Variants in MACROD2 observed in about 807,000 individuals in gnomAD.
The protein encoded by MACROD2 is mono-ADP ribosylhydrolase 2, also known as ADP-ribose glycohydrolase MACROD2.
MACROD2 carries 36 observed loss-of-function variants against 70.4 expected under a neutral mutation model. That is an observed-to-expected ratio of 0.51 (90% CI 0.39 to 0.68). The LOEUF (loss-of-function observed/expected upper bound fraction) is 0.68. MACROD2 is among the 30% of genes least tolerant of loss of function. The pLI is 0.00. For synonymous variants in MACROD2, 172 were observed against 178.8 expected, an observed-to-expected ratio of 0.96 and a Z score of 0.30; for missense variants, 496 against 538.4, an observed-to-expected ratio of 0.92 and a Z score of 0.78.
At position 16,041,260 on chromosome 20, in the gene MACROD2, A is replaced by G; in HGVS notation, c.1213A>G (p.Asn405Asp). Residue 405 changes from asparagine (N) to aspartate (D), a missense_variant, in exon 16 of 18, where the codon AAT (asparagine) becomes GAT (aspartate). Asn to Asp is a conservative substitution (Grantham distance 23). Coordinates refer to ENST00000684519, the MANE Select transcript of MACROD2 (RefSeq NM_001351661.2). Reference sequence around the variant, plus strand: ...AAGTGAAGGCTCCAGTGACCTAGAAAATACTCCAGGTCCTGATGGTAAGGT... The same window carrying G: ...AAGTGAAGGCTCCAGTGACCTAGAAGATACTCCAGGTCCTGATGGTAAGGT... Reference protein sequence around the residue: ...GKSEGSSDLENTPGPDVEMNS... With the variant: ...GKSEGSSDLEDTPGPDVEMNS... The G allele has an allele frequency of 6.2e-7, 1 of 1,612,072 alleles. No individual in the cohort carries two copies. Among genetic ancestry groups the G allele is most frequent in the Admixed American group, 1.7e-5 (1 of 59,788 alleles).
intron 3 of MACROD2, among the ~76,000 whole-genome samples, chr20:14,305,449 A>C (rs1045480058): frequency 2.0e-5 from 3 of 152,118 alleles, no homozygotes; most frequent in Non-Finnish European, 4.4e-5. Context: ...AGTGGAAGAG[A>C]CTGACTTGGA....
intron 4 of MACROD2, among the ~76,000 whole-genome samples, chr20:14,603,407 C>T (rs961176273): frequency 6.6e-6 from 1 of 152,092 alleles, no homozygotes; most frequent in African/African-American, 2.4e-5. Flanking sequence ...ATTTTTCATT[C>T]TTAATATCTC....
chr20:15,617,409 A>G (rs1367763352), intron 8 of MACROD2, among the ~76,000 whole-genome samples: 1 of 152,208 alleles, frequency 6.6e-6, no homozygotes, highest in Non-Finnish European at 1.5e-5. Context: ...AGGCCAATAA[A>G]GTTTATGAAC....
intron 5 of MACROD2, among the ~76,000 whole-genome samples, chr20:14,874,769 A>G (rs958438080): frequency 2.6e-5 from 4 of 151,524 alleles, no homozygotes; most frequent in African/African-American, 9.7e-5. Context: ...CAGTGGTGCA[A>G]TCTTGGCTCA....
chr20:14,237,432 C>A (rs1266663989), intron 3 of MACROD2, among the ~76,000 whole-genome samples: 1 of 151,792 alleles, frequency 6.6e-6, no homozygotes, highest in African/African-American at 2.4e-5. Context: ...TACCTCAAAT[C>A]AATTTCTCTT....
Position 15,968,028 on chromosome 20 carries a change from A to G in MACROD2, c.985+398A>G, listed in dbSNP as rs79898313. 2.2e-4 allele frequency among the ~76,000 whole-genome samples: 34 copies of G among 152,354 alleles called. No individual in the cohort carries two copies. The East Asian group carries it at 4.8e-3, about 22-fold the overall frequency. On this transcript the variant is annotated intron_variant, in intron 13 of 17. Transcript: ENST00000684519. The stretch of plus-strand genomic sequence containing the variant: ...ATCAAGAAGGGAGTACATAACAAAC[A>G]GAAATGAAACAATCTTTAGAAAAAT...
intron 3 of MACROD2, among the ~76,000 whole-genome samples, chr20:14,368,553 C>A (rs204642): frequency 0.66 from 99,616 of 150,714 alleles, 33,617 homozygotes; most frequent in Non-Finnish European, 0.73. Context: ...AAAAAAAAAA[C>A]ACACACACAC....
chr20:14,956,034 T>C (rs1417704597), intron 5 of MACROD2, among the ~76,000 whole-genome samples: 1 of 147,878 alleles, frequency 6.8e-6, no homozygotes, highest in African/African-American at 2.5e-5. Context: ...TTTTTTTTTT[T>C]TGTAATTCAG....
intron 6 of MACROD2, among the ~76,000 whole-genome samples, chr20:15,277,099 T>C (rs1349348776): frequency 6.6e-6 from 1 of 152,146 alleles, no homozygotes; most frequent in Non-Finnish European, 1.5e-5. Flanking sequence ...CTTCCGTATT[T>C]CCTCCCTGCC....
intron 8 of MACROD2, among the ~76,000 whole-genome samples, chr20:15,528,696 A>G (rs75333456): frequency 1.3e-5 from 2 of 148,570 alleles, no homozygotes; most frequent in African/African-American, 2.5e-5. Context: ...AAATTAAAAT[A>G]TCTCATTTGT....
intron 9 of MACROD2, among the ~76,000 whole-genome samples, chr20:15,872,281 A>C (rs990580150): frequency 1.6e-4 from 25 of 152,154 alleles, no homozygotes; most frequent in Admixed American, 6.6e-4. Flanking sequence ...TGAAGCACAC[A>C]GTGTCATGAG....
chr20:15,759,162 A>T (rs2051397565), intron 8 of MACROD2, among the ~76,000 whole-genome samples: 1 of 151,182 alleles, frequency 6.6e-6, no homozygotes. Flanking sequence ...AAAAAAAAAA[A>T]AAAACAGAAA....
intron 6 of MACROD2, among the ~76,000 whole-genome samples, chr20:15,363,324 A>G (rs1024449197): frequency 5.3e-5 from 8 of 152,242 alleles, no homozygotes; most frequent in African/African-American, 1.9e-4. Flanking sequence ...TTAAATAGAC[A>G]AGAGTAGAGT....
intron 5 of MACROD2, among the ~76,000 whole-genome samples, chr20:14,705,310 C>T (rs1008744631): frequency 1.3e-5 from 2 of 151,966 alleles, no homozygotes; most frequent in African/African-American, 4.8e-5. Context: ...TAATATAAAC[C>T]GCCAAGAGCC....
intron 4 of MACROD2, among the ~76,000 whole-genome samples, chr20:14,512,953 T>C (rs2085047100): frequency 6.6e-6 from 1 of 152,082 alleles, no homozygotes; most frequent in South Asian, 2.1e-4. Flanking sequence ...TAGGGTCTGA[T>C]CGTGCCCAGG....
intron 3 of MACROD2, among the ~76,000 whole-genome samples, chr20:14,110,297 G>A (rs988770931): frequency 6.6e-6 from 1 of 151,884 alleles, no homozygotes; most frequent in African/African-American, 2.4e-5. Context: ...AAAACTGAAA[G>A]CTTTTTTTTA....
rs1463145600 is a variant in MACROD2 at position 16,022,725 on chromosome 20, G to A, written c.1154-18476G>A. 3.9e-5 allele frequency among the ~76,000 whole-genome samples: 6 copies of A among 152,310 alleles called. No homozygotes were observed. The East Asian group carries it at 1.2e-3, about 29-fold the overall frequency. ...TCTAATCAGCCTCCATGTCAGACATGAGAAACCTTGAAACACACGTAGCTT... is the reference window on the plus strand; with the variant it reads ...TCTAATCAGCCTCCATGTCAGACATAAGAAACCTTGAAACACACGTAGCTT... On this transcript the variant is annotated intron_variant, in intron 15 of 17. Transcript: ENST00000684519.
chr20:15,292,013 G>T (rs551051891), intron 6 of MACROD2, among the ~76,000 whole-genome samples: 1 of 152,154 alleles, frequency 6.6e-6, no homozygotes, highest in East Asian at 1.9e-4. Flanking sequence ...ATTGTCTCTT[G>T]TTTTTTCTTC....
intron 5 of MACROD2, among the ~76,000 whole-genome samples, chr20:15,171,515 A>C (rs1466817175): frequency 6.6e-6 from 1 of 151,720 alleles, no homozygotes; most frequent in East Asian, 1.9e-4. Context: ...AGATTCAATA[A>C]GCTCTTTGTA....
Sources: gnomAD v4.1 joint callset for allele counts (sites outside exome capture counted in the v4.1 genomes callset) on GRCh38, gnomAD v4.1.1 for gene constraint, MANE v1.5 for transcripts, NCBI Gene and HGNC (gene_info 2026-07-23, HGNC 2026-07-21) for gene names.